CFAP91: variants seen among roughly 807,000 people sequenced by gnomAD.
The protein encoded by CFAP91 is cilia and flagella associated protein 91, also known as cilia- and flagella-associated protein 91.
Under a neutral mutation model 95.9 loss-of-function variants are expected in CFAP91, and 85 were observed. That is an observed-to-expected ratio of 0.89 (90% CI 0.74 to 1.06). The LOEUF (loss-of-function observed/expected upper bound fraction) is 1.06, where lower values mean the gene tolerates loss of function less well. CFAP91 is among the 50% of genes least tolerant of loss of function. The probability of loss-of-function intolerance (pLI) is 0.00; values close to 1 mark genes in which losing one functional copy is unlikely to be tolerated. For missense variants in CFAP91, 962 were observed against 943.4 expected (o/e 1.02, Z -0.26); for synonymous variants, 335 against 327.5 (o/e 1.02, Z -0.25).
chr3:119,759,481 A>G (rs1238600640), intron 17 of CFAP91, among the ~76,000 whole-genome samples: 3 of 151,936 alleles, frequency 2.0e-5, no homozygotes, highest in Admixed American at 1.3e-4. Flanking sequence ...TAGGCTGCAC[A>G]TTGCTTTTAG....
chr3:119,740,375 A>G (rs2054092033), intron 12 of CFAP91, among the ~76,000 whole-genome samples, 174 bp from the exon 13 acceptor site: 1 of 152,264 alleles, frequency 6.6e-6, no homozygotes, highest in Non-Finnish European at 1.5e-5. Flanking sequence ...AGCTGAAGGC[A>G]CAGAAAAGAG....
intron 4 of CFAP91, among the ~76,000 whole-genome samples, chr3:119,709,424 T>C (rs1448793767): frequency 6.6e-6 from 1 of 152,246 alleles, no homozygotes. Flanking sequence ...TCTTAACTTT[T>C]AGGGGGAGGC....
At chr3:119,732,060 T>C (rs190776611) in intron 8 of CFAP91, among the ~76,000 whole-genome samples, 42 of 152,336 alleles carry the variant, frequency 2.8e-4, no homozygotes, top group Admixed American at 2.4e-3. Flanking sequence ...CGAGTACCGA[T>C]TGAGGACACT....
chr3:119,714,589 T>C (rs2053540786), intron 5 of CFAP91, among the ~76,000 whole-genome samples: 2 of 152,212 alleles, frequency 1.3e-5, no homozygotes, highest in Admixed American at 1.3e-4. Context: ...ACTAGTTATT[T>C]TCATTATCTT....
At chr3:119,758,344 T>G (rs943999270) in intron 17 of CFAP91, among the ~76,000 whole-genome samples, 1 of 152,216 alleles carries the variant, frequency 6.6e-6, no homozygotes, top group African/African-American at 2.4e-5. Flanking sequence ...TATGCTATAG[T>G]AAAGTCCCTT....
chr3:119,750,988 G>C lies in CFAP91; in HGVS notation c.2195G>C (p.Ser732Thr). 6.2e-7 allele frequency: 1 copy of C among 1,614,048 alleles called. No homozygotes were observed. Among genetic ancestry groups the C allele is most frequent in the Non-Finnish European group, 8.5e-7 (1 of 1,179,918 alleles). Residue 732 changes from serine to threonine, a missense_variant, in exon 17 of 18, where the codon AGT (serine) becomes ACT (threonine). Physicochemically the swap from Ser to Thr is moderately conservative, Grantham distance 58 (BLOSUM62 1). Coordinates refer to ENST00000273390, the MANE Select transcript of CFAP91 (RefSeq NM_033364.4). ...CTTGCAGCCCATCAGATCATCCACA[G>C]TTACACGGAAAGCATGGTTCAAAAG... The part of the protein sequence containing the change: ...HILAAHQIIH[S>T]YTESMVQKKL...
At chr3:119,718,668 C>A (rs1199795050) in intron 6 of CFAP91, among the ~76,000 whole-genome samples, 1 of 151,804 alleles carries the variant, frequency 6.6e-6, no homozygotes, top group African/African-American at 2.4e-5. Flanking sequence ...ACTCAGATTA[C>A]CTACAAAGAA....
intron 17 of CFAP91, 102 bp downstream of exon 17, chr3:119,751,200 G>A: frequency 7.6e-7 from 1 of 1,312,376 alleles, no homozygotes; most frequent in Non-Finnish European, 1.0e-6. Context: ...GAAGATTGCT[G>A]TTTAAGAAAT....
At chr3:119,763,627 A>C (rs781769025) in intron 17 of CFAP91, among the ~76,000 whole-genome samples, 38 of 152,180 alleles carry the variant, frequency 2.5e-4, no homozygotes, top group South Asian at 1.7e-3. Flanking sequence ...CTTAAAAAAA[A>C]AAAGAAGGAA....
Position 119,708,591 on chromosome 3 carries a change from A to G in CFAP91, c.360A>G (p.Thr120=), listed in dbSNP as rs1291421715. 2 of 1,590,338 alleles carry G rather than the reference A, an allele frequency of 1.3e-6. No individual in the cohort carries two copies. The highest frequency in any genetic ancestry group is 4.5e-5 in the East Asian group (2 of 44,626). ...KHREALRQLT[T]TDASFQMPKE... The stretch of plus-strand genomic sequence containing the variant: ...ATAATGTTTTCTTGCTTCATTTTAG[A>G]ACTGACGCTTCTTTTCAGATGCCTA... The change falls in exon 4 of 18, where the codon ACA becomes ACG. Residue 120 remains threonine (T), a splice_region_variant and synonymous_variant. Coordinates refer to ENST00000273390, the MANE Select transcript of CFAP91 (RefSeq NM_033364.4).
chr3:119,735,827 T>C (rs1242269446), intron 10 of CFAP91, among the ~76,000 whole-genome samples: 1 of 152,196 alleles, frequency 6.6e-6, no homozygotes, highest in Non-Finnish European at 1.5e-5. Flanking sequence ...CTTTTTTACT[T>C]TTATTGCTTT....
rs951003642 is a variant in CFAP91, at chr3:119,765,763, G to A, written c.*713G>A. ...GAGGATTCTTCCTGATTCAAAGACT[G>A]TCAAATAGGAAAAAAGAAAACAGTA... is the stretch of plus-strand genomic sequence containing the variant. On this transcript the variant is annotated 3_prime_UTR_variant, in exon 18 of 18. Coordinates refer to ENST00000273390, the MANE Select transcript of CFAP91 (RefSeq NM_033364.4). The A allele has an allele frequency of 2.0e-5, 3 of 152,122 alleles. No homozygotes were observed. Among genetic ancestry groups the A allele is most frequent in the Admixed American group, 6.5e-5 (1 of 15,270 alleles). The allele number at this position is 152,122 out of a possible 1,614,324, so 9.4% of individuals were successfully genotyped here.
intron 4 of CFAP91, 136 bp downstream of exon 4, chr3:119,708,810 C>G (rs2053423526): frequency 1.9e-5 from 11 of 568,788 alleles, no homozygotes; most frequent in Admixed American, 3.3e-5. Flanking sequence ...TGCATATGAT[C>G]TAATCGTTAA....
At chr3:119,739,461 AC>A (rs2054075416) in intron 12 of CFAP91, 135 bp downstream of exon 12, 4 of 736,386 alleles carry the variant, frequency 5.4e-6, no homozygotes, top group African/African-American at 1.8e-5. Context: ...TGAGTTGCCT[AC>A]CCATTTCCTT....
chr3:119,710,044 A>C, intron 5 of CFAP91, 149 bp downstream of exon 5: 1 of 625,910 alleles, frequency 1.6e-6, no homozygotes, highest in South Asian at 2.0e-5. Flanking sequence ...GTGTGTCATG[A>C]GCAGCATTTT....
Position 119,730,430 on chromosome 3 carries a change from G to A in CFAP91, c.1018+53G>A, listed in dbSNP as rs2053873592. 1.9e-6 allele frequency: 3 copies of A among 1,560,822 alleles called. No homozygotes were observed. The East Asian group carries it at 6.8e-5, about 36-fold the overall frequency. On this transcript the variant is annotated intron_variant, in intron 8 of 17. Transcript: ENST00000273390. ...CGGTGGAAAAGTGGGCTTTGCTTTGGATCTTTGACCAAACCTGACTTAACT... is the reference window on the plus strand; with the variant it reads ...CGGTGGAAAAGTGGGCTTTGCTTTGAATCTTTGACCAAACCTGACTTAACT...
rs2053562765 is a variant in CFAP91, at chr3:119,715,760, C to G, written c.682+17C>G. On this transcript the variant is annotated intron_variant, in intron 6 of 17. Transcript: ENST00000273390. ...TTACTTGGGGTGAGTTGGTAAATCT[C>G]CTGACTATTGGCAGATGACGATGCT... 1 of 1,610,698 alleles carries G rather than the reference C, an allele frequency of 6.2e-7. No homozygotes were observed. The highest frequency in any genetic ancestry group is 8.5e-7 in the Non-Finnish European group (1 of 1,176,924).
chr3:119,742,133 G>A (rs973985496), intron 13 of CFAP91, among the ~76,000 whole-genome samples: 19 of 152,306 alleles, frequency 1.2e-4, no homozygotes, highest in African/African-American at 4.6e-4. Flanking sequence ...AGGCTTTTCA[G>A]CTCATTTATT....
chr3:119,762,869 G>A (rs1301633083), intron 17 of CFAP91, among the ~76,000 whole-genome samples: 4 of 151,992 alleles, frequency 2.6e-5, no homozygotes, highest in East Asian at 1.9e-4. Context: ...GTAAAACTGC[G>A]AGAAGAAAAC....
Sources: gnomAD v4.1 joint callset for allele counts (sites outside exome capture counted in the v4.1 genomes callset) on GRCh38, gnomAD v4.1.1 for gene constraint, MANE v1.5 for transcripts, NCBI Gene and HGNC (gene_info 2026-07-23, HGNC 2026-07-21) for gene names.